ZNF610: variants seen among roughly 807,000 people sequenced by gnomAD.
ZNF610 encodes the protein zink finger protein.
Under a neutral mutation model 14.1 loss-of-function variants are expected in ZNF610, and 14 were observed. The observed-to-expected ratio is 0.99, with a 90% CI of 0.65 to 1.55. ZNF610 has a LOEUF of 1.55. Ranked by LOEUF, ZNF610 falls within the 40% of genes most tolerant of loss-of-function variation. ZNF610 has a pLI of 0.00. For synonymous variants in ZNF610, 185 were observed against 187.6 expected (o/e 0.99, Z 0.11); for missense variants, 530 against 558.0 (o/e 0.95, Z 0.51).
intron 5 of ZNF610, among the ~76,000 whole-genome samples, chr19:52,360,238 G>A (rs1985713387): frequency 6.6e-6 from 1 of 152,302 alleles, no homozygotes; most frequent in Admixed American, 6.5e-5. Flanking sequence ...GTGAATGGAG[G>A]GCAGGAAAAG....
intron 5 of ZNF610, among the ~76,000 whole-genome samples, chr19:52,364,558 C>G (rs1455936130): frequency 2.0e-5 from 3 of 152,184 alleles, no homozygotes; most frequent in East Asian, 3.9e-4. Context: ...ATATAGTATT[C>G]TTGGTTTTTT....
chr19:52,352,655 C>G (rs1985313866), intron 3 of ZNF610, among the ~76,000 whole-genome samples: 1 of 152,090 alleles, frequency 6.6e-6, no homozygotes, highest in Admixed American at 6.6e-5. Context: ...GCCTCCTACC[C>G]CCACTTTTTT....
intron 4 of ZNF610, 74 bp downstream of exon 4, chr19:52,353,882 G>T: frequency 6.5e-7 from 1 of 1,530,786 alleles, no homozygotes; most frequent in Admixed American, 2.2e-5. Context: ...GTGCCTCTTG[G>T]GAGCCCCTAA....
At chr19:52,346,605 G>A (rs1248595410) in intron 1 of ZNF610, among the ~76,000 whole-genome samples, 1 of 152,106 alleles carries the variant, frequency 6.6e-6, no homozygotes, top group Non-Finnish European at 1.5e-5. Context: ...ACCCCAAAAG[G>A]TGTTTATTAA....
chr19:52,334,959 A>ACACACACACACACACAC (rs60779202), upstream of ZNF610, among the ~76,000 whole-genome samples: 4 of 146,634 alleles, frequency 2.7e-5, no homozygotes, highest in South Asian at 4.3e-4. Flanking sequence ...ACACACACAC[A>ACACACACACACACACAC]ATGTAATTTA....
intron 5 of ZNF610, among the ~76,000 whole-genome samples, chr19:52,363,882 T>G (rs1310774769): frequency 6.6e-6 from 1 of 152,214 alleles, no homozygotes; most frequent in Non-Finnish European, 1.5e-5. Flanking sequence ...TGTCACATAT[T>G]AGCTGTAGAT....
At chr19:52,361,705 C>T (rs1037107946) in intron 5 of ZNF610, among the ~76,000 whole-genome samples, 1 of 151,952 alleles carries the variant, frequency 6.6e-6, no homozygotes, top group African/African-American at 2.4e-5. Flanking sequence ...AGTGATCCTC[C>T]CGCCTTGCCC....
intron 3 of ZNF610, among the ~76,000 whole-genome samples, chr19:52,351,704 C>T (rs995904867): frequency 6.6e-6 from 1 of 152,090 alleles, no homozygotes; most frequent in Admixed American, 6.5e-5. Context: ...GGGTCCGCAC[C>T]GCCACCTAGT....
chr19:52,357,625 A>T (rs1985590327), intron 5 of ZNF610, among the ~76,000 whole-genome samples: 1 of 132,808 alleles, frequency 7.5e-6, no homozygotes, highest in African/African-American at 2.9e-5. Flanking sequence ...AGCCTGGGAG[A>T]TAGAGCGAGC....
rs531583421 is a variant in ZNF610 at position 52,364,299 on chromosome 19, T to G, written c.320-1399T>G. Among the ~76,000 whole-genome samples, 11 of 152,314 alleles carry G rather than the reference T, an allele frequency of 7.2e-5. No homozygotes were observed. The East Asian group carries it at 2.1e-3, about 29-fold the overall frequency. On this transcript the variant is annotated intron_variant, in intron 5 of 5. Coordinates refer to ENST00000403906, the MANE Select transcript of ZNF610 (RefSeq NM_001161425.2). Reference sequence around the variant, plus strand: ...TGATTTTTTTGTTTTCTTTTTTAATTTTTTTCTCATACAGTGTCACTCTCA... The same window carrying G: ...TGATTTTTTTGTTTTCTTTTTTAATGTTTTTCTCATACAGTGTCACTCTCA...
At position 52,357,420 on chromosome 19, in the gene ZNF610, C is replaced by T. The variant is rs184990095; in HGVS notation, c.319+3041C>T. On this transcript the variant is annotated intron_variant, in intron 5 of 5. Coordinates refer to ENST00000403906, the MANE Select transcript of ZNF610 (RefSeq NM_001161425.2). The stretch of plus-strand genomic sequence containing the variant: ...CAGCACTTTGGGAGGCCCAGGCGGG[C>T]GGATCACGAGGTCAGGAGATCGAGA... Among the ~76,000 whole-genome samples, 729 of 152,016 alleles carry T rather than the reference C, an allele frequency of 4.8e-3. 4 individuals carry two copies. Among genetic ancestry groups the T allele is most frequent in the Middle Eastern group, 0.017 (5 of 294 alleles).
intron 1 of ZNF610, chr19:52,344,091 A>G (rs774125739): frequency 6.6e-6 from 1 of 152,100 alleles, no homozygotes; most frequent in Non-Finnish European, 1.5e-5. Flanking sequence ...TGAAGGAAGG[A>G]GGAACACACT....
At chr19:52,354,435 G>A (rs1600236237) in intron 5 of ZNF610, 56 bp downstream of exon 5, 1 of 1,576,942 alleles carries the variant, frequency 6.3e-7, no homozygotes, top group African/African-American at 1.4e-5. Flanking sequence ...TTATTTTTGA[G>A]CCAGGGTGTT....
chr19:52,366,389 T>A lies in ZNF610; in HGVS notation c.1011T>A (p.Ser337Arg). 2 of 1,613,722 alleles carry A rather than the reference T, an allele frequency of 1.2e-6. No individual in the cohort carries two copies. Among genetic ancestry groups the A allele is most frequent in the Non-Finnish European group, 8.5e-7 (1 of 1,179,966 alleles). The change falls in exon 6 of 6, where the codon AGT becomes AGA. Residue 337 changes from serine (S) to arginine (R), a missense_variant. By Grantham distance (110) the Ser-to-Arg change is moderately radical. Coordinates refer to ENST00000403906, the MANE Select transcript of ZNF610 (RefSeq NM_001161425.2). ...HKFSLTNHQR[S>R]HTAEKPYKCN... ...TTTCTCTAACCAATCATCAGAGAAG[T>A]CACACGGCGGAAAAACCTTACAAAT...
chr19:52,339,486 CT>C (rs1984565163), intron 1 of ZNF610, among the ~76,000 whole-genome samples: 1 of 152,166 alleles, frequency 6.6e-6, no homozygotes, highest in Admixed American at 6.5e-5. Context: ...ATGGCGATGA[CT>C]TTTACCAAGC....
chr19:52,332,166 A>C (rs113463120), upstream of ZNF610, among the ~76,000 whole-genome samples: 147 of 152,312 alleles, frequency 9.7e-4, no homozygotes, highest in African/African-American at 3.4e-3. This position sits in a 1 kb window ranked among gnomAD's most constrained non-coding sequence, Gnocchi z 4.1. Flanking sequence ...AGTTTTCTGA[A>C]TCAGGGTAAC....
chr19:52,339,089 T>G (rs761984259), intron 1 of ZNF610, among the ~76,000 whole-genome samples: 3 of 152,016 alleles, frequency 2.0e-5, no homozygotes, highest in Non-Finnish European at 2.9e-5. Context: ...TGCCTTGATG[T>G]GCATGTATAC....
At chr19:52,351,170 ACCTTGGCAAGGTGCAGTGGCTCACG>A (rs1199638442) in intron 3 of ZNF610, among the ~76,000 whole-genome samples, 1 of 150,986 alleles carries the variant, frequency 6.6e-6, no homozygotes, top group Non-Finnish European at 1.5e-5. Context: ...GAAATTAGTC[ACCTTGGCAAGGTGCAGTGGCTCACG>A]CCTGTAATCC....
chr19:52,337,074 G>C (rs553308837), intron 1 of ZNF610, among the ~76,000 whole-genome samples: 24 of 152,294 alleles, frequency 1.6e-4, no homozygotes, highest in African/African-American at 5.8e-4. Flanking sequence ...GAATGTAGCA[G>C]GGGGAGAAAA....
Sources: allele counts gnomAD v4.1 joint callset (sites outside exome capture counted in the v4.1 genomes callset), GRCh38; gene constraint gnomAD v4.1.1; non-coding constraint Gnocchi (gnomAD v3.1); transcripts MANE v1.5; gene names NCBI Gene and HGNC (gene_info 2026-07-23, HGNC 2026-07-21).